CELF2: variants seen among roughly 807,000 people sequenced by gnomAD.
CELF2 encodes CUGBP Elav-like family member 2.
Under a neutral mutation model 62.6 loss-of-function variants are expected in CELF2, and 8 were observed. The observed-to-expected ratio is 0.13, with a 90% CI of 0.07 to 0.23. The LOEUF is 0.23. Ranked by LOEUF, CELF2 falls within the 10% of genes least tolerant of loss-of-function variation. The probability of loss-of-function intolerance (pLI) is 1.00; values close to 1 mark genes in which losing one functional copy is unlikely to be tolerated. For missense variants in CELF2, 333 were observed against 671.0 expected, an observed-to-expected ratio of 0.50 and a Z score of 5.56; for synonymous variants, 258 against 250.0, an observed-to-expected ratio of 1.03 and a Z score of -0.30.
In CELF2 at chr10:10,923,661, A is replaced by T. The variant is rs11256916; in HGVS notation, c.89+3662A>T. ...CCTGGTAGTAATAAGTCACCAGAAA[A>T]AAATTAGATTATATGAGCAACATGC... On this transcript the variant is annotated intron_variant, in intron 2 of 13. Transcript: ENST00000636488. Among the ~76,000 whole-genome samples, 6 of 152,360 alleles carry T rather than the reference A, an allele frequency of 3.9e-5. No individual in the cohort carries two copies. The East Asian group carries it at 1.2e-3, about 29-fold the overall frequency.
chr10:10,482,228 T>C, the CELF2 span, among the ~76,000 whole-genome samples: 3 of 152,248 alleles, frequency 2.0e-5, no homozygotes, highest in African/African-American at 7.2e-5. Context: ...AATATCCCAA[T>C]GCATATGGTA....
the CELF2 span, among the ~76,000 whole-genome samples, chr10:10,563,064 A>G: frequency 6.6e-6 from 1 of 152,142 alleles, no homozygotes; most frequent in African/African-American, 2.4e-5. Context: ...GTAAATGTTC[A>G]GGAAGTGGCT....
At chr10:10,549,695 G>C in the CELF2 span, among the ~76,000 whole-genome samples, 1 of 152,142 alleles carries the variant, frequency 6.6e-6, no homozygotes, top group Non-Finnish European at 1.5e-5. Context: ...TGACTCTTAA[G>C]ATGGCACCAG....
chr10:10,655,667 A>G, the CELF2 span, among the ~76,000 whole-genome samples: 443 of 125,128 alleles, frequency 3.5e-3, 3 homozygotes, highest in Non-Finnish European at 4.7e-3. Flanking sequence ...CTGGCTAGCC[A>G]TATGTAGAAA....
chr10:10,955,055 G>A (rs936663998), intron 2 of CELF2, among the ~76,000 whole-genome samples: 1 of 152,198 alleles, frequency 6.6e-6, no homozygotes, highest in African/African-American at 2.4e-5. Context: ...AAGGTTAAAT[G>A]TGTATTTTTT....
chr10:11,297,848 G>T lies in CELF2; in HGVS notation c.976+9296G>T, dbSNP rs12241280. 0.082 allele frequency among the ~76,000 whole-genome samples: 12,502 copies of T among 151,998 alleles called. 557 individuals are homozygous for T. The highest frequency in any genetic ancestry group is 0.12 in the Middle Eastern group (36 of 294). On this transcript the variant is annotated intron_variant, in intron 9 of 12. Transcript: ENST00000633077. This position sits in a 1 kb window ranked among gnomAD's most constrained non-coding sequence, Gnocchi z 4.4. ...ATACAAAAATTAGCCGGGTATGGTG[G>T]TGCACACCTGTGGTTCCCAGCTACT... is the stretch of plus-strand genomic sequence containing the variant.
intron 8 of CELF2, among the ~76,000 whole-genome samples, chr10:11,286,090 A>G (rs117139136): frequency 7.2e-4 from 109 of 152,314 alleles, no homozygotes; most frequent in Non-Finnish European, 1.0e-3. Flanking sequence ...GGAGGAGGCT[A>G]TGGGATGGGG....
chr10:10,844,366 G>A (rs1370867348), intron 1 of CELF2, among the ~76,000 whole-genome samples: 1 of 152,040 alleles, frequency 6.6e-6, no homozygotes, highest in Admixed American at 6.6e-5. Flanking sequence ...AGAAAAATAA[G>A]GAGTATTTAT....
At chr10:10,478,561 T>C in the CELF2 span, among the ~76,000 whole-genome samples, 2 of 152,172 alleles carry the variant, frequency 1.3e-5, no homozygotes, top group African/African-American at 4.8e-5. Flanking sequence ...AAAATACAGT[T>C]ATATAGTCAT....
intron 2 of CELF2, among the ~76,000 whole-genome samples, chr10:10,994,642 A>G (rs2136795703): frequency 6.6e-6 from 1 of 152,278 alleles, no homozygotes; most frequent in Non-Finnish European, 1.5e-5. Flanking sequence ...CATGCAAGGG[A>G]TCTAGGTTGT....
chr10:10,856,125 T>C (rs2059691075), intron 1 of CELF2, among the ~76,000 whole-genome samples: 1 of 152,216 alleles, frequency 6.6e-6, no homozygotes. Flanking sequence ...TCTACTCCCT[T>C]GGAAGGAGAA....
At chr10:10,976,542 G>T (rs774922063) in intron 2 of CELF2, among the ~76,000 whole-genome samples, 25 of 151,952 alleles carry the variant, frequency 1.6e-4, no homozygotes, top group Non-Finnish European at 2.9e-4. Context: ...GGGAAAACCT[G>T]AAGATCACCT....
the CELF2 span, among the ~76,000 whole-genome samples, chr10:10,742,388 G>T: frequency 6.6e-6 from 1 of 151,824 alleles, no homozygotes; most frequent in African/African-American, 2.4e-5. Context: ...CAGCATTTTG[G>T]GATGCTTAGG....
At chr10:10,729,210 T>C in the CELF2 span, among the ~76,000 whole-genome samples, 5 of 152,230 alleles carry the variant, frequency 3.3e-5, no homozygotes, top group African/African-American at 9.6e-5. Context: ...TTCGGTCTTT[T>C]GACCAGATGT....
At chr10:10,503,562 T>C in the CELF2 span, among the ~76,000 whole-genome samples, 3 of 151,948 alleles carry the variant, frequency 2.0e-5, no homozygotes, top group African/African-American at 4.8e-5. Flanking sequence ...GTTTGTATGA[T>C]ATATCTTTTT....
the CELF2 span, among the ~76,000 whole-genome samples, chr10:10,736,752 A>G: frequency 2.0e-5 from 3 of 152,176 alleles, no homozygotes; most frequent in Non-Finnish European, 4.4e-5. Context: ...ATTTTGCAGG[A>G]CTCAGATACC....
intron 2 of CELF2, among the ~76,000 whole-genome samples, chr10:10,975,262 C>T (rs968650071): frequency 1.3e-5 from 2 of 152,166 alleles, no homozygotes; most frequent in Non-Finnish European, 2.9e-5. Flanking sequence ...GGACCACAGA[C>T]ATGAGCCACT....
At chr10:10,546,004 G>A in the CELF2 span, among the ~76,000 whole-genome samples, 1 of 152,110 alleles carries the variant, frequency 6.6e-6, no homozygotes, top group East Asian at 1.9e-4. Context: ...TCAGGAGAGA[G>A]GTTCAGAGAA....
the CELF2 span, among the ~76,000 whole-genome samples, chr10:10,751,196 C>T: frequency 2.0e-5 from 3 of 152,134 alleles, no homozygotes; most frequent in Non-Finnish European, 4.4e-5. Context: ...TTTGGGAGTG[C>T]ATTTATAAAT....
Sources: gnomAD v4.1 joint callset for allele counts (sites outside exome capture counted in the v4.1 genomes callset) on GRCh38, gnomAD v4.1.1 for gene constraint, Gnocchi (gnomAD v3.1) non-coding constraint, MANE v1.5 for transcripts, NCBI Gene and HGNC (gene_info 2026-07-23, HGNC 2026-07-21) for gene names.